Variants in LRP1B observed in about 807,000 individuals in gnomAD.
LRP1B encodes low-density lipoprotein receptor-related protein 1B.
In LRP1B, 217 loss-of-function variants were observed where a neutral mutation model predicts 556.6. The observed-to-expected ratio is 0.39, with a 90% CI of 0.35 to 0.44. The LOEUF (loss-of-function observed/expected upper bound fraction) is 0.44. Ranked by LOEUF, LRP1B falls within the 20% of genes least tolerant of loss-of-function variation. LRP1B has a pLI of 1.00. For synonymous variants in LRP1B, 2,047 were observed against 1,865.8 expected (o/e 1.10, Z -2.50); for missense variants, 5,053 against 5,620.8 (o/e 0.90, Z 3.23).
intron 1 of LRP1B, among the ~76,000 whole-genome samples, chr2:141,989,508 C>G (rs756056434): frequency 1.3e-5 from 2 of 151,902 alleles, no homozygotes; most frequent in Non-Finnish European, 2.9e-5. Flanking sequence ...ATTTTATATT[C>G]TTTTAAGCTA....
At chr2:140,470,305 C>G (rs1318027018) in intron 60 of LRP1B, among the ~76,000 whole-genome samples, 1 of 152,114 alleles carries the variant, frequency 6.6e-6, no homozygotes, top group East Asian at 1.9e-4. Context: ...TTTCCAAACT[C>G]TCTCTCTTAG....
intron 3 of LRP1B, among the ~76,000 whole-genome samples, chr2:141,349,147 G>A (rs900049275): frequency 1.3e-5 from 2 of 152,000 alleles, no homozygotes; most frequent in Non-Finnish European, 2.9e-5. Flanking sequence ...CAAGGATCCA[G>A]ATCCTCTTAT....
intron 2 of LRP1B, among the ~76,000 whole-genome samples, chr2:141,540,000 T>C (rs963819327): frequency 2.0e-5 from 3 of 152,044 alleles, no homozygotes; most frequent in Admixed American, 1.3e-4. Context: ...ATCAAAAGCA[T>C]CCTGGGAAAA....
chr2:140,734,153 G>C (rs141299072), intron 35 of LRP1B, among the ~76,000 whole-genome samples: 1 of 152,184 alleles, frequency 6.6e-6, no homozygotes. Context: ...TCCTATCATA[G>C]TGAACACACA....
chr2:141,454,099 A>G (rs1301520148), intron 3 of LRP1B, among the ~76,000 whole-genome samples: 1 of 152,164 alleles, frequency 6.6e-6, no homozygotes, highest in African/African-American at 2.4e-5. Flanking sequence ...TTATATAAAA[A>G]TATTGAATAG....
At chr2:141,376,374 G>T (rs560537923) in intron 3 of LRP1B, among the ~76,000 whole-genome samples, 8 of 152,154 alleles carry the variant, frequency 5.3e-5, no homozygotes, top group Non-Finnish European at 1.0e-4. Flanking sequence ...CAGGAGGATC[G>T]CCTGACTGTC....
chr2:141,361,521 T>C (rs1312873465), intron 3 of LRP1B, among the ~76,000 whole-genome samples: 1 of 152,204 alleles, frequency 6.6e-6, no homozygotes, highest in Non-Finnish European at 1.5e-5. Flanking sequence ...CAATTTAAAA[T>C]ATTTTAAAAA....
chr2:141,335,087 C>T (rs1444074350), intron 3 of LRP1B, among the ~76,000 whole-genome samples: 1 of 152,196 alleles, frequency 6.6e-6, no homozygotes, highest in African/African-American at 2.4e-5. Flanking sequence ...AAACTATTTA[C>T]TTTGTATCCT....
intron 2 of LRP1B, among the ~76,000 whole-genome samples, chr2:141,758,444 T>C (rs956226513): frequency 1.3e-5 from 2 of 152,150 alleles, no homozygotes; most frequent in African/African-American, 4.8e-5. Flanking sequence ...ACGTCATTTA[T>C]GTGTCAATAA....
chr2:142,018,136 G>A (rs532803225), intron 1 of LRP1B, among the ~76,000 whole-genome samples: 1 of 152,090 alleles, frequency 6.6e-6, no homozygotes, highest in East Asian at 1.9e-4. Context: ...GCTAGAATGA[G>A]TTATCAACTA....
At chr2:140,358,492 G>T (rs1019655559) in intron 73 of LRP1B, among the ~76,000 whole-genome samples, 4 of 151,690 alleles carry the variant, frequency 2.6e-5, no homozygotes, top group Admixed American at 6.6e-5. Flanking sequence ...TCAGAAAAAA[G>T]AATTGCATAG....
At chr2:141,020,867 C>T (rs887473291) in intron 11 of LRP1B, among the ~76,000 whole-genome samples, 18 of 151,934 alleles carry the variant, frequency 1.2e-4, no homozygotes, top group Non-Finnish European at 2.2e-4. Flanking sequence ...TTATCATTCA[C>T]GAAGCAGTAG....
chr2:140,343,496 T>C (rs897770114), intron 77 of LRP1B, among the ~76,000 whole-genome samples: 1 of 151,580 alleles, frequency 6.6e-6, no homozygotes, highest in Admixed American at 6.6e-5. Context: ...GAATTATGTA[T>C]CTCAAAATAT....
intron 52 of LRP1B, 119 bp downstream of exon 52, chr2:140,509,809 T>C: frequency 2.2e-6 from 3 of 1,384,500 alleles, no homozygotes; most frequent in Admixed American, 4.6e-5. Flanking sequence ...CAATACTACC[T>C]ATGGGCCCAG....
intron 2 of LRP1B, among the ~76,000 whole-genome samples, chr2:141,512,707 G>A (rs1426855935): frequency 6.6e-6 from 1 of 152,100 alleles, no homozygotes; most frequent in Non-Finnish European, 1.5e-5. Flanking sequence ...ACCTGAAGGT[G>A]AGAAAAGCAC....
intron 1 of LRP1B, among the ~76,000 whole-genome samples, chr2:141,947,639 A>C (rs1700990170): frequency 6.6e-6 from 1 of 152,092 alleles, no homozygotes; most frequent in African/African-American, 2.4e-5. Context: ...CAACAAATGT[A>C]CATACTTAAT....
chr2:141,179,346 G>A (rs1468815752), intron 7 of LRP1B, among the ~76,000 whole-genome samples: 1 of 151,854 alleles, frequency 6.6e-6, no homozygotes. Context: ...TATTTTCTTT[G>A]TATGTTTCTT....
chr2:140,586,139 C>T (rs1681975788), intron 43 of LRP1B, among the ~76,000 whole-genome samples: 1 of 152,010 alleles, frequency 6.6e-6, no homozygotes, highest in African/African-American at 2.4e-5. Flanking sequence ...TCCTTATGTA[C>T]AACTTAAAAC....
At chr2:140,657,541 G>C (rs1201339575) in intron 41 of LRP1B, among the ~76,000 whole-genome samples, 1 of 140,540 alleles carries the variant, frequency 7.1e-6, no homozygotes, top group Non-Finnish European at 1.5e-5. Context: ...TGGATGGATA[G>C]ATAGATATTT....
Sources: allele counts gnomAD v4.1 joint callset (sites outside exome capture counted in the v4.1 genomes callset), GRCh38; gene constraint gnomAD v4.1.1; transcripts MANE v1.5; gene names NCBI Gene and HGNC (gene_info 2026-07-23, HGNC 2026-07-21).